Variants in ZNF883 observed in about 807,000 individuals in gnomAD.
ZNF883 encodes the protein zinc finger protein 883.
chr9:113,000,544 C>T (rs1014653525), upstream of ZNF883, among the ~76,000 whole-genome samples: 7 of 151,968 alleles, frequency 4.6e-5, no homozygotes, highest in Admixed American at 4.6e-4. Flanking sequence ...CTAGTAAGAA[C>T]TTGGTGTAAG....
In ZNF883 at chr9:112,998,168, T is replaced by C. The variant is rs1828384412; in HGVS notation, n.92A>G. 4 of 1,613,962 alleles carry C rather than the reference T, an allele frequency of 2.5e-6. No homozygotes were observed. The East Asian group carries it at 8.9e-5, about 36-fold the overall frequency. The stretch of plus-strand genomic sequence containing the variant: ...TTTTTCTCCAATATGTGTTTTCTGA[T>C]GCTGGGTCAGGGATGCAAGACAAGT... On this transcript the variant is annotated non_coding_transcript_exon_variant, in exon 1 of 1. Coordinates refer to ENST00000639662, the Ensembl canonical transcript of ZNF883.
intron 1 of ZNF883, 57 bp downstream of exon 1, chr9:113,012,093 G>A (rs1474669996): frequency 6.6e-6 from 1 of 152,234 alleles, no homozygotes; most frequent in African/African-American, 2.4e-5. Flanking sequence ...GTGTTTGAAG[G>A]GGACCTCTCT....
At chr9:113,011,262 T>G (rs548452685) in intron 1 of ZNF883, 35 bp from the exon 2 acceptor site, 1 of 152,194 alleles carries the variant, frequency 6.6e-6, no homozygotes, top group Non-Finnish European at 1.5e-5. Context: ...AAATCAGGAC[T>G]GTCTTTATGA....
chr9:112,992,378 G>T (rs1377421684), downstream of ZNF883, among the ~76,000 whole-genome samples: 2 of 152,188 alleles, frequency 1.3e-5, no homozygotes, highest in Admixed American at 1.3e-4. Context: ...TGGGTTGGAA[G>T]TTCTTTCCTT....
At chr9:113,005,301 TA>T (rs1828463502) in intron 2 of ZNF883, among the ~76,000 whole-genome samples, 1 of 152,186 alleles carries the variant, frequency 6.6e-6, no homozygotes, top group Admixed American at 6.5e-5. Context: ...TTTTCTGTAT[TA>T]TATATAGTTT....
downstream of ZNF883, among the ~76,000 whole-genome samples, chr9:112,995,883 T>C (rs564423276): frequency 7.2e-5 from 11 of 152,284 alleles, no homozygotes; most frequent in South Asian, 2.3e-3. Context: ...TTTTTTGTCC[T>C]TTTCCCATCA....
chr9:113,002,069 G>A (rs1828431015), upstream of ZNF883: 3 of 152,066 alleles, frequency 2.0e-5, no homozygotes, highest in South Asian at 6.2e-4. Flanking sequence ...CAATGCCACG[G>A]GTTCCTAAAA....
upstream of ZNF883, among the ~76,000 whole-genome samples, chr9:113,000,795 G>A (rs1587895734): frequency 6.6e-6 from 1 of 152,174 alleles, no homozygotes; most frequent in East Asian, 1.9e-4. Context: ...GCTCTAAGCA[G>A]GGGAATATAT....
intron 1 of ZNF883, 32 bp downstream of exon 1, chr9:113,012,118 C>T (rs1372683374): frequency 6.6e-6 from 1 of 152,230 alleles, no homozygotes; most frequent in Non-Finnish European, 1.5e-5. Context: ...ACCTCCCACA[C>T]GAGTGCAAGG....
At chr9:112,996,323 T>G (rs1264359674), downstream of ZNF883, among the ~76,000 whole-genome samples, 4 of 152,334 alleles carry the variant, frequency 2.6e-5, no homozygotes, top group South Asian at 6.2e-4. Flanking sequence ...AGTATCTTTG[T>G]GGGAGAAAAC....
At chr9:113,002,312 G>C (rs1384705109), upstream of ZNF883, among the ~76,000 whole-genome samples, 2 of 152,118 alleles carry the variant, frequency 1.3e-5, no homozygotes, top group Non-Finnish European at 2.9e-5. Context: ...AACAATAATG[G>C]TGATTTAAAA....
At chr9:113,002,171 G>A (rs1487499050), upstream of ZNF883, 3 of 152,144 alleles carry the variant, frequency 2.0e-5, no homozygotes, top group Non-Finnish European at 2.9e-5. Context: ...ACAAAGTGGA[G>A]GACTATTAAG....
upstream of ZNF883, among the ~76,000 whole-genome samples, chr9:113,003,180 G>A (rs186888314): frequency 5.3e-5 from 8 of 152,230 alleles, 1 homozygote; most frequent in South Asian, 6.2e-4. Flanking sequence ...AATCATGGGC[G>A]CAGTTTCCCC....
At chr9:113,000,240 G>T (rs1828410108), upstream of ZNF883, among the ~76,000 whole-genome samples, 2 of 152,132 alleles carry the variant, frequency 1.3e-5, no homozygotes, top group South Asian at 2.1e-4. Context: ...AAAAGACAAT[G>T]AAACTAATTC....
exon 2 of ZNF883, chr9:113,011,186 A>G (rs1186859964): frequency 6.6e-6 from 1 of 152,192 alleles, no homozygotes. Flanking sequence ...CTTCTTCTTG[A>G]TGCCATCTTA....
At chr9:112,995,187 A>G (rs1828338778), downstream of ZNF883, among the ~76,000 whole-genome samples, 1 of 152,104 alleles carries the variant, frequency 6.6e-6, no homozygotes. Context: ...AATCCATTGT[A>G]GGCCCAAATA....
At chr9:112,995,843 T>A (rs1216313501), downstream of ZNF883, among the ~76,000 whole-genome samples, 1 of 152,142 alleles carries the variant, frequency 6.6e-6, no homozygotes. Context: ...TCCTTCCATA[T>A]ATATTTATAA....
intron 2 of ZNF883, among the ~76,000 whole-genome samples, chr9:113,010,051 T>C (rs1421489949): frequency 6.6e-6 from 1 of 152,256 alleles, no homozygotes; most frequent in Non-Finnish European, 1.5e-5. Flanking sequence ...GTTTACATTA[T>C]TGTCTGTGTG....
intron 2 of ZNF883, among the ~76,000 whole-genome samples, chr9:113,005,490 C>A (rs933796493): frequency 6.6e-6 from 1 of 152,040 alleles, no homozygotes; most frequent in Non-Finnish European, 1.5e-5. Context: ...GCAAAAATGT[C>A]AAAAACAGGC....
Sources: gnomAD v4.1 joint callset for allele counts (sites outside exome capture counted in the v4.1 genomes callset) on GRCh38, gnomAD v4.1.1 for gene constraint, MANE v1.5 for transcripts, NCBI Gene and HGNC (gene_info 2026-07-23, HGNC 2026-07-21) for gene names.